MEGF11: variants seen among roughly 807,000 people sequenced by gnomAD.
The protein encoded by MEGF11 is multiple epidermal growth factor-like domains protein 11.
Under a neutral mutation model 146.6 loss-of-function variants are expected in MEGF11, and 126 were observed. That is an observed-to-expected ratio of 0.86 (90% confidence interval 0.74 to 1.00). The LOEUF (loss-of-function observed/expected upper bound fraction) is 1.00. MEGF11 is among the 50% of genes least tolerant of loss of function. MEGF11 has a pLI of 0.00. For missense variants in MEGF11, 1,509 were observed against 1,521.2 expected, an observed-to-expected ratio of 0.99 and a Z score of 0.13; for synonymous variants, 532 against 583.4, an observed-to-expected ratio of 0.91 and a Z score of 1.27.
chr15:65,933,181 C>A (rs2079640380), intron 10 of MEGF11, among the ~76,000 whole-genome samples: 1 of 152,222 alleles, frequency 6.6e-6, no homozygotes, highest in South Asian at 2.1e-4. Flanking sequence ...CTTTCCCCCA[C>A]CAGTCCCCAG....
chr15:66,218,280 G>A (rs8039102), intron 1 of MEGF11, among the ~76,000 whole-genome samples: 20,234 of 152,180 alleles, frequency 0.13, 2,432 homozygotes, highest in African/African-American at 0.32. Context: ...TAAGACACTT[G>A]GTTGAATTAA....
At chr15:65,941,478 T>A (rs373554720) in intron 10 of MEGF11, among the ~76,000 whole-genome samples, 7 of 151,232 alleles carry the variant, frequency 4.6e-5, no homozygotes, top group Admixed American at 1.3e-4. Flanking sequence ...CAAGAGGCGG[T>A]CCATGTGGCC....
chr15:66,077,430 C>T (rs1344328925), intron 5 of MEGF11, among the ~76,000 whole-genome samples: 1 of 152,246 alleles, frequency 6.6e-6, no homozygotes, highest in East Asian at 1.9e-4. Flanking sequence ...GTCTGGCCCC[C>T]TACTCCCCAT....
intron 1 of MEGF11, among the ~76,000 whole-genome samples, chr15:66,202,392 G>T (rs887408418): frequency 1.3e-5 from 2 of 152,260 alleles, no homozygotes; most frequent in African/African-American, 4.8e-5. Flanking sequence ...CGGGCATGAC[G>T]GCCCTCCATG....
chr15:66,229,402 G>C (rs372972481), intron 1 of MEGF11, among the ~76,000 whole-genome samples: 3 of 152,110 alleles, frequency 2.0e-5, no homozygotes, highest in Non-Finnish European at 2.9e-5. Context: ...CAGCTCCCTC[G>C]ACTGTTGCCA....
intron 5 of MEGF11, among the ~76,000 whole-genome samples, chr15:66,068,702 T>C (rs1053688632): frequency 7.9e-5 from 12 of 152,156 alleles, no homozygotes; most frequent in Admixed American, 7.9e-4. Flanking sequence ...GGTTCCAGAA[T>C]GGAAGAGGCT....
intron 5 of MEGF11, among the ~76,000 whole-genome samples, chr15:66,057,383 T>C (rs909628552): frequency 3.3e-5 from 5 of 152,150 alleles, no homozygotes; most frequent in Non-Finnish European, 7.3e-5. Flanking sequence ...TTTGTAGTAA[T>C]TGATTTTGAC....
At position 65,909,824 on chromosome 15, in the gene MEGF11, G is replaced by A. The variant is rs1179025363; in HGVS notation, c.2830-18C>T. The A allele has an allele frequency of 4.5e-6, 7 of 1,556,224 alleles. No individual in the cohort carries two copies. The highest frequency in any genetic ancestry group is 2.6e-6 in the Non-Finnish European group (3 of 1,157,978). On this transcript the variant is annotated intron_variant, in intron 21 of 25. Transcript: ENST00000395614. The stretch of plus-strand genomic sequence containing the variant: ...TTACTGAGCTGTTTGGAGAGTAGGA[G>A]AGCCAGTTAATATCTAGTGCCCCAG...
At chr15:66,046,818 A>G (rs571169785) in intron 5 of MEGF11, among the ~76,000 whole-genome samples, 1 of 152,194 alleles carries the variant, frequency 6.6e-6, no homozygotes, top group East Asian at 1.9e-4. Flanking sequence ...GCTGTCCCTT[A>G]TCATATTTTT....
Position 65,982,367 on chromosome 15 carries a change from G to T in MEGF11, c.516C>A (p.Cys172Ter), listed in dbSNP as rs766332680. ...VCAAGFRGWRCEELCAPGTHG... is the reference protein window; with the variant it reads ...VCAAGFRGWR The stretch of plus-strand genomic sequence containing the variant: ...GGGTGCCAGGTGCGCAGAGCTCCTC[G>T]CAGCGCCATCCACGGAAGCCGGCGG... Residue 172 changes from cysteine (C) to a stop codon, truncating the protein, a stop_gained, in exon 6 of 26, where the codon TGC becomes TGA. Coordinates refer to ENST00000395614, the MANE Select transcript of MEGF11 (RefSeq NM_001385028.1). LOFTEE classifies it high-confidence loss of function. This position sits in a 1 kb window ranked among gnomAD's most constrained non-coding sequence, Gnocchi z 5.6. The T allele has an allele frequency of 3.7e-5, 56 of 1,534,146 alleles. No homozygotes were observed. In the Admixed American group the frequency reaches 6.3e-4, roughly 17 times the overall value.
chr15:66,233,230 C>T (rs530149311), intron 1 of MEGF11, among the ~76,000 whole-genome samples: 2 of 152,100 alleles, frequency 1.3e-5, no homozygotes, highest in African/African-American at 4.8e-5. Context: ...CAAGAAAATC[C>T]TATTATTATT....
chr15:66,108,179 G>A (rs1300994440), intron 4 of MEGF11, among the ~76,000 whole-genome samples: 5 of 152,346 alleles, frequency 3.3e-5, no homozygotes, highest in Middle Eastern at 6.8e-3. Flanking sequence ...ACGTTGAGGA[G>A]CAAGACAGAG....
At chr15:66,099,331 C>T (rs186268704) in intron 4 of MEGF11, among the ~76,000 whole-genome samples, 34 of 151,852 alleles carry the variant, frequency 2.2e-4, no homozygotes, top group African/African-American at 6.8e-4. Flanking sequence ...TACAGGCACG[C>T]GCCACCAAGC....
At chr15:65,913,553 C>T (rs2078885224) in intron 20 of MEGF11, 184 bp downstream of exon 20, 1 of 623,340 alleles carries the variant, frequency 1.6e-6, no homozygotes, top group African/African-American at 1.8e-5. Context: ...ACTCAGGAAA[C>T]AATTTTCCCT....
At chr15:66,060,614 T>TC (rs1167032318) in intron 5 of MEGF11, among the ~76,000 whole-genome samples, 1 of 152,214 alleles carries the variant, frequency 6.6e-6, no homozygotes, top group Non-Finnish European at 1.5e-5. Flanking sequence ...CCCTCTGTCC[T>TC]CTGGGACCCC....
At chr15:66,142,610 G>A (rs2089210282) in intron 1 of MEGF11, among the ~76,000 whole-genome samples, 1 of 152,224 alleles carries the variant, frequency 6.6e-6, no homozygotes, top group African/African-American at 2.4e-5. Flanking sequence ...GGGAGGCCCT[G>A]TGAGGGGACA....
rs377337440 is a variant in MEGF11, at chr15:65,973,169, G to A, written c.763-2480C>T. On this transcript the variant is annotated intron_variant, in intron 7 of 25. Coordinates refer to ENST00000395614, the MANE Select transcript of MEGF11 (RefSeq NM_001385028.1). Reference sequence around the variant, plus strand: ...AGAAAAAGAAAGGCATGAATTCCAGGAACTAGGGACTGCAACAGAAGACAG... The same window carrying A: ...AGAAAAAGAAAGGCATGAATTCCAGAAACTAGGGACTGCAACAGAAGACAG... 2.4e-4 allele frequency among the ~76,000 whole-genome samples: 37 copies of A among 151,804 alleles called. No individual in the cohort carries two copies. In the East Asian group the frequency reaches 7.2e-3, roughly 29 times the overall value.
chr15:65,909,261 C>G (rs563600051), intron 22 of MEGF11, 126 bp from the exon 23 acceptor site: 5 of 702,866 alleles, frequency 7.1e-6, no homozygotes, highest in South Asian at 6.5e-5. Context: ...TTGGGGGCCT[C>G]TGTGTATAGC....
chr15:65,917,482 AGTTTGGGG>A (rs1036855288), intron 16 of MEGF11, among the ~76,000 whole-genome samples: 1 of 152,114 alleles, frequency 6.6e-6, no homozygotes, highest in African/African-American at 2.4e-5. Context: ...CTCTGTCCTT[AGTTTGGGG>A]GCTTCTGGAA....
Sources: allele counts gnomAD v4.1 joint callset (sites outside exome capture counted in the v4.1 genomes callset), GRCh38; gene constraint gnomAD v4.1.1; non-coding constraint Gnocchi (gnomAD v3.1); transcripts MANE v1.5; gene names NCBI Gene and HGNC (gene_info 2026-07-23, HGNC 2026-07-21).